The following STEAP2 variants were observed in gnomAD, a reference collection of about 807,000 sequenced individuals.
The protein encoded by STEAP2 is metalloreductase STEAP2.
STEAP2 carries 30 observed loss-of-function variants against 46.4 expected under a neutral mutation model. That is an observed-to-expected ratio of 0.65 (90% CI 0.48 to 0.88). STEAP2 has a LOEUF of 0.88. STEAP2 is among the 40% of genes least tolerant of loss of function. The pLI is 0.00. For synonymous variants in STEAP2, 180 were observed against 200.5 expected, an observed-to-expected ratio of 0.90 and a Z score of 0.86; for missense variants, 513 against 579.3, an observed-to-expected ratio of 0.89 and a Z score of 1.18.
chr7:90,242,976 GTTAATAGAC>G (rs1310841659), downstream of STEAP2, among the ~76,000 whole-genome samples: 9 of 152,234 alleles, frequency 5.9e-5, no homozygotes, highest in South Asian at 4.1e-4. Flanking sequence ...ACTGAAAAAT[GTTAATAGAC>G]TTTGACCCCA....
In STEAP2 at chr7:90,232,805, C is replaced by A. The variant is rs1795817754; in HGVS notation, c.*181C>A. On this transcript the variant is annotated 3_prime_UTR_variant, in exon 6 of 6. Coordinates refer to ENST00000394621, the MANE Select transcript of STEAP2 (RefSeq NM_001244944.2). Reference sequence around the variant, plus strand: ...TAATTTTCACAAATGTCATGTTTGCCAATATGAATTTTTCTAGTCAACATA... The same window carrying A: ...TAATTTTCACAAATGTCATGTTTGCAAATATGAATTTTTCTAGTCAACATA... 7.7e-7 allele frequency: 1 copy of A among 1,299,230 alleles called. No individual in the cohort carries two copies. Among genetic ancestry groups the A allele is most frequent in the Non-Finnish European group, 9.8e-7 (1 of 1,023,266 alleles). 80.5% of individuals were successfully genotyped at this position (1,299,230 alleles called of 1,614,324 possible).
rs1375840374 is a variant in STEAP2, at chr7:90,225,400, T to C, written c.318T>C (p.His106=). The C allele has an allele frequency of 6.2e-7, 1 of 1,613,882 alleles. No homozygotes were observed. Among genetic ancestry groups the C allele is most frequent in the Non-Finnish European group, 8.5e-7 (1 of 1,179,920 alleles). ...ATACCTCCCTGTGGGACCTGAGACA[T>C]CTGCTTGTGGGTAAAATCCTGATTG... ...EHYTSLWDLR[H]LLVGKILIDV... Residue 106 remains histidine, a synonymous_variant, in exon 3 of 6, where the codon CAT becomes CAC. Transcript: ENST00000394621.
downstream of STEAP2, among the ~76,000 whole-genome samples, chr7:90,238,876 T>A (rs966322249): frequency 3.9e-5 from 6 of 151,920 alleles, no homozygotes; most frequent in Admixed American, 2.6e-4. Context: ...CCCCTGAGAG[T>A]AGAAAAACCC....
chr7:90,217,602 G>A (rs1795074931), intron 2 of STEAP2, among the ~76,000 whole-genome samples: 2 of 150,818 alleles, frequency 1.3e-5, no homozygotes, highest in Non-Finnish European at 2.9e-5. Context: ...CATTTTTTAA[G>A]GCTGAATAAT....
At chr7:90,218,430 C>T (rs770601047) in intron 2 of STEAP2, among the ~76,000 whole-genome samples, 19 of 151,926 alleles carry the variant, frequency 1.3e-4, no homozygotes, top group South Asian at 2.1e-4. Flanking sequence ...GTTGACCTTG[C>T]GTTGATTTTT....
chr7:90,212,739 G>GT (rs1347622093), intron 1 of STEAP2, among the ~76,000 whole-genome samples: 2 of 152,104 alleles, frequency 1.3e-5, no homozygotes, highest in Non-Finnish European at 2.9e-5. Context: ...CGGGCAGTTA[G>GT]TTTTTTAGAT....
intron 2 of STEAP2, among the ~76,000 whole-genome samples, chr7:90,218,149 G>T (rs142180313): frequency 1.2e-4 from 18 of 152,066 alleles, no homozygotes; most frequent in Non-Finnish European, 2.4e-4. Flanking sequence ...TGAGTTCCTT[G>T]TATATTCTGA....
At chr7:90,212,213 T>A (rs1057430927) in intron 1 of STEAP2, 168 bp downstream of exon 1, 5 of 152,354 alleles carry the variant, frequency 3.3e-5, no homozygotes, top group African/African-American at 1.2e-4. Context: ...AGGTGGAAAG[T>A]GAGAAGGGTG....
chr7:90,229,818 G>C lies in STEAP2; in HGVS notation c.1021-54G>C, dbSNP rs919674599. ...TTATGCCAAGAGTGAACTCTGTGCT[G>C]AATCAGTTAATGTTCTACTAAATAA... On this transcript the variant is annotated intron_variant, in intron 4 of 5. Transcript: ENST00000394621. The C allele has an allele frequency of 3.2e-6, 5 of 1,583,672 alleles. No individual in the cohort carries two copies. In the African/African-American group the frequency reaches 6.8e-5, roughly 21 times the overall value.
chr7:90,219,268 C>A (rs75874286), intron 2 of STEAP2, among the ~76,000 whole-genome samples: 2 of 152,080 alleles, frequency 1.3e-5, no homozygotes, highest in African/African-American at 2.4e-5. Context: ...GTTTGGGTAC[C>A]TTTTATTCTT....
At chr7:90,220,739 T>C (rs1795222863) in intron 2 of STEAP2, among the ~76,000 whole-genome samples, 2 of 152,148 alleles carry the variant, frequency 1.3e-5, no homozygotes. Flanking sequence ...GAAATCGTAA[T>C]GATTTTTTGG....
downstream of STEAP2, among the ~76,000 whole-genome samples, chr7:90,240,683 T>C (rs1796050209): frequency 6.6e-6 from 1 of 152,232 alleles, no homozygotes; most frequent in Non-Finnish European, 1.5e-5. The surrounding 1 kb of genome is among the most constrained non-coding windows in gnomAD (Gnocchi z 4.1). Context: ...TCTTTGTTAC[T>C]TTTAAAAGTA....
At position 90,234,815 on chromosome 7, in the gene STEAP2, G is replaced by C. The variant is rs1795905175; in HGVS notation, c.*2191G>C. 1 of 953,038 alleles carries C rather than the reference G, an allele frequency of 1.0e-6. No individual in the cohort carries two copies. The highest frequency in any genetic ancestry group is 1.8e-5 in the African/African-American group (1 of 56,436). 59.0% of individuals were successfully genotyped at this position (953,038 alleles called of 1,614,324 possible). On this transcript the variant is annotated 3_prime_UTR_variant, in exon 6 of 6. Coordinates refer to ENST00000394621, the MANE Select transcript of STEAP2 (RefSeq NM_001244944.2). Reference sequence around the variant, plus strand: ...TGATCCGCCCGCCTTGGCCTCCAAAGTGCTGGGATTACAGGTGTGAGCTAC... The same window carrying C: ...TGATCCGCCCGCCTTGGCCTCCAAACTGCTGGGATTACAGGTGTGAGCTAC...
chr7:90,241,030 T>TA (rs1207403332), downstream of STEAP2, among the ~76,000 whole-genome samples: 1 of 152,186 alleles, frequency 6.6e-6, no homozygotes, highest in African/African-American at 2.4e-5. Flanking sequence ...TTTGTGCACT[T>TA]ACCAAGAAGA....
chr7:90,218,435 A>G (rs990444863), intron 2 of STEAP2, among the ~76,000 whole-genome samples: 12 of 151,990 alleles, frequency 7.9e-5, no homozygotes, highest in Admixed American at 5.9e-4. Context: ...CCTTGCGTTG[A>G]TTTTTGTATA....
At chr7:90,220,626 A>G (rs75958556) in intron 2 of STEAP2, among the ~76,000 whole-genome samples, 4 of 151,926 alleles carry the variant, frequency 2.6e-5, no homozygotes, top group Non-Finnish European at 5.9e-5. Context: ...CAATTTGTCT[A>G]GTTCTGCTCT....
chr7:90,240,533 AATAT>A (rs542019287), downstream of STEAP2, among the ~76,000 whole-genome samples: 470 of 152,272 alleles, frequency 3.1e-3, 3 homozygotes, highest in Middle Eastern at 6.8e-3. The surrounding 1 kb of genome is among the most constrained non-coding windows in gnomAD (Gnocchi z 4.1). Context: ...TTAATTCAAG[AATAT>A]ATAATTATTC....
Position 90,234,312 on chromosome 7 carries a change from T to C in STEAP2, c.*1688T>C, listed in dbSNP as rs1341010440. The C allele has an allele frequency of 1.0e-6, 1 of 985,074 alleles. No individual in the cohort carries two copies. Among genetic ancestry groups the C allele is most frequent in the African/African-American group, 1.7e-5 (1 of 57,212 alleles). The allele number at this position is 985,074 out of a possible 1,614,324, so 61.0% of individuals were successfully genotyped here. A position where few individuals can be genotyped will look rare whatever the true frequency, so the allele number is the denominator to read the frequency against. ...CCAATTTGCTATTTCCTTATTAAAA[T>C]AGAAAATTATAGGCAAGATACAATT... On this transcript the variant is annotated 3_prime_UTR_variant, in exon 6 of 6. Transcript: ENST00000394621.
Position 90,237,445 on chromosome 7 carries a change from G to A in STEAP2, c.*4821G>A, listed in dbSNP as rs1795999007. On this transcript the variant is annotated 3_prime_UTR_variant, in exon 6 of 6. Transcript: ENST00000394621. The stretch of plus-strand genomic sequence containing the variant: ...ATTTTCCTGCCTTGATCTTTCATTA[G>A]ATATTTTGTATCTGCTTGGAATATA... 6.5e-6 allele frequency: 1 copy of A among 153,628 alleles called. No homozygotes were observed. The highest frequency in any genetic ancestry group is 2.1e-4 in the South Asian group (1 of 4,858). The allele number at this position is 153,628 out of a possible 1,614,324, so 9.5% of individuals were successfully genotyped here.
Sources: gnomAD v4.1 joint callset for allele counts (sites outside exome capture counted in the v4.1 genomes callset) on GRCh38, gnomAD v4.1.1 for gene constraint, Gnocchi (gnomAD v3.1) non-coding constraint, MANE v1.5 for transcripts, NCBI Gene and HGNC (gene_info 2026-07-23, HGNC 2026-07-21) for gene names.